Variants in NCALD observed in about 807,000 individuals in gnomAD.
The protein encoded by NCALD is neurocalcin delta.
A neutral mutation model predicts 18.6 loss-of-function variants in NCALD; 10 were observed. The ratio of observed to expected loss-of-function variants is 0.54; its 90% CI spans 0.33 to 0.91. The LOEUF (loss-of-function observed/expected upper bound fraction) is 0.91, where lower values mean the gene tolerates loss of function less well. NCALD is among the 40% of genes least tolerant of loss of function. The probability of loss-of-function intolerance (pLI) is 0.03; values close to 1 mark genes in which losing one functional copy is unlikely to be tolerated. For synonymous variants in NCALD, 88 were observed against 87.4 expected (o/e 1.01, Z -0.04); for missense variants, 184 against 247.6 (o/e 0.74, Z 1.72).
intron 2 of NCALD, among the ~76,000 whole-genome samples, chr8:101,986,125 G>C (rs954793542): frequency 1.3e-5 from 2 of 152,048 alleles, no homozygotes; most frequent in African/African-American, 4.8e-5. Context: ...CCGCCTCCCA[G>C]GTTCAAGCGA....
chr8:102,053,294 G>A (rs879319039), intron 1 of NCALD, among the ~76,000 whole-genome samples: 1 of 152,054 alleles, frequency 6.6e-6, no homozygotes, highest in Non-Finnish European at 1.5e-5. Context: ...TAAATAGTAT[G>A]TAAATACTGA....
intron 1 of NCALD, among the ~76,000 whole-genome samples, chr8:101,725,927 C>T (rs759758710): frequency 2.0e-5 from 3 of 152,094 alleles, no homozygotes; most frequent in South Asian, 2.1e-4. Context: ...AGTGGGTGAA[C>T]GGGTGTTGGA....
chr8:101,824,004 C>T (rs746422454), intron 4 of NCALD, among the ~76,000 whole-genome samples: 11 of 152,186 alleles, frequency 7.2e-5, no homozygotes, highest in Non-Finnish European at 1.6e-4. Context: ...GGAAACAATG[C>T]AAACGCTACA....
chr8:102,009,468 C>A (rs1013027370), intron 2 of NCALD, among the ~76,000 whole-genome samples: 3 of 152,188 alleles, frequency 2.0e-5, no homozygotes, highest in Non-Finnish European at 2.9e-5. Context: ...CAAGGTAGTT[C>A]AACCCTTCTC....
intron 1 of NCALD, among the ~76,000 whole-genome samples, chr8:102,107,392 C>T (rs868667299): frequency 5.9e-5 from 9 of 151,950 alleles, no homozygotes; most frequent in Middle Eastern, 3.4e-3. Flanking sequence ...GCATTCTTTT[C>T]TAAAAGGCAA....
In NCALD at chr8:101,695,489, C is replaced by T. The variant is rs74351537; in HGVS notation, c.379-2593G>A. ...TTGTCAAGAGTCTGACAACATGATA[C>T]GCTCCTTGGTGTCCTGGACCAGCAG... On this transcript the variant is annotated intron_variant, in intron 2 of 3. Coordinates refer to ENST00000220931, the MANE Select transcript of NCALD (RefSeq NM_032041.3). 6.3e-3 allele frequency among the ~76,000 whole-genome samples: 952 copies of T among 152,226 alleles called. 5 individuals carry two copies. The highest frequency in any genetic ancestry group is 9.6e-3 in the Non-Finnish European group (651 of 68,008).
intron 2 of NCALD, chr8:101,950,491 T>C (rs1819371257): frequency 6.6e-6 from 1 of 152,240 alleles, no homozygotes; most frequent in Non-Finnish European, 1.5e-5. Flanking sequence ...AGCAGTATAA[T>C]AGATTGCATT....
At chr8:101,807,652 C>T (rs1813153182) in intron 4 of NCALD, among the ~76,000 whole-genome samples, 1 of 152,132 alleles carries the variant, frequency 6.6e-6, no homozygotes, top group African/African-American at 2.4e-5. Context: ...CTGAAAGGCA[C>T]ATACAAACTG....
intron 1 of NCALD, among the ~76,000 whole-genome samples, chr8:102,103,439 C>T (rs1442014282): frequency 6.6e-6 from 1 of 152,154 alleles, no homozygotes; most frequent in Non-Finnish European, 1.5e-5. Flanking sequence ...GATAAAGGCT[C>T]AGGAGGGTTA....
chr8:102,085,752 T>TAAA (rs35138208), intron 1 of NCALD, among the ~76,000 whole-genome samples: 22 of 140,628 alleles, frequency 1.6e-4, no homozygotes, highest in Non-Finnish European at 7.8e-5. Context: ...ACTCTGTCTT[T>TAAA]AAAAAAAAAA....
chr8:101,824,672 A>G (rs1419692777), intron 4 of NCALD, among the ~76,000 whole-genome samples: 1 of 152,142 alleles, frequency 6.6e-6, no homozygotes, highest in Non-Finnish European at 1.5e-5. Flanking sequence ...TCATCTTGAC[A>G]ATAACATTAT....
At chr8:102,095,646 T>G (rs933608369) in intron 1 of NCALD, among the ~76,000 whole-genome samples, 4 of 152,290 alleles carry the variant, frequency 2.6e-5, no homozygotes, top group Middle Eastern at 3.4e-3. Context: ...CTGAAATGTA[T>G]GAAATTATTA....
chr8:101,807,853 T>C (rs1034022831), intron 4 of NCALD, among the ~76,000 whole-genome samples: 3 of 152,106 alleles, frequency 2.0e-5, no homozygotes, highest in African/African-American at 7.2e-5. Context: ...TGGCTGATAA[T>C]CCATGATTTA....
intron 2 of NCALD, among the ~76,000 whole-genome samples, chr8:101,929,915 T>A (rs1426920855): frequency 6.6e-6 from 1 of 151,754 alleles, no homozygotes; most frequent in Non-Finnish European, 1.5e-5. Flanking sequence ...CATCGCCCAG[T>A]GTGGTGATGG....
intron 1 of NCALD, among the ~76,000 whole-genome samples, chr8:102,069,358 A>G (rs1435043052): frequency 2.0e-5 from 3 of 152,160 alleles, no homozygotes; most frequent in Non-Finnish European, 4.4e-5. Context: ...AATAAAATAA[A>G]ATTTTTAAAG....
chr8:101,688,847 G>A lies in NCALD; in HGVS notation c.*462C>T, dbSNP rs1814576622. 1.6e-6 allele frequency: 1 copy of A among 624,030 alleles called. No individual in the cohort carries two copies. Among genetic ancestry groups the A allele is most frequent in the African/African-American group, 1.8e-5 (1 of 54,776 alleles). The allele number at this position is 624,030 out of a possible 1,614,324, so 38.7% of individuals were successfully genotyped here. The stretch of plus-strand genomic sequence containing the variant: ...ATAGCCTCACCCCAGAGGGTAACTT[G>A]TTCTTGGGGAATCCAGCATCCGGTG... On this transcript the variant is annotated 3_prime_UTR_variant, in exon 4 of 4. Transcript: ENST00000220931.
Position 102,107,743 on chromosome 8 carries a change from T to A in NCALD, c.-210+16494A>T, listed in dbSNP as rs184440719. 4.6e-5 allele frequency among the ~76,000 whole-genome samples: 7 copies of A among 152,338 alleles called. No homozygotes were observed. The East Asian group carries it at 1.4e-3, about 29-fold the overall frequency. On this transcript the variant is annotated intron_variant, in intron 1 of 6. Transcript: ENST00000311028. ...CAGCAACATTGTAAGCACTGACTTA[T>A]GTCACCCTAAAGAAAGCATTCCTGA...
rs138425495 is a variant in NCALD, at chr8:101,719,254, G to C, written c.376C>G (p.Gln126Glu). The change falls in exon 2 of 4, where the codon CAG (glutamine) becomes GAG (glutamate). Residue 126 changes from glutamine to glutamate, a missense_variant and splice_region_variant. Gln to Glu is a conservative substitution (Grantham distance 29). Transcript: ENST00000220931. ...ISKAEMLEIV[Q>E]AIYKMVSSVM... ...TTTAAAGGGCTCAGTCTACGTACCT[G>C]CACGATCTCTAGCATCTCTGCCTTG... 14 of 1,613,036 alleles carry C rather than the reference G, an allele frequency of 8.7e-6. No homozygotes were observed. The African/African-American group carries it at 1.9e-4, about 22-fold the overall frequency.
chr8:101,799,592 A>G (rs1458020782), intron 4 of NCALD, among the ~76,000 whole-genome samples: 1 of 152,250 alleles, frequency 6.6e-6, no homozygotes, highest in East Asian at 1.9e-4. Flanking sequence ...ACTTAGTACT[A>G]AAATTGAATG....
Sources: gnomAD v4.1 joint callset for allele counts (sites outside exome capture counted in the v4.1 genomes callset) on GRCh38, gnomAD v4.1.1 for gene constraint, MANE v1.5 for transcripts, NCBI Gene and HGNC (gene_info 2026-07-23, HGNC 2026-07-21) for gene names.